SLAMF6: variants seen among roughly 807,000 people sequenced by gnomAD.
The protein encoded by SLAMF6 is SLAM family member 6.
A neutral mutation model predicts 38.3 loss-of-function variants in SLAMF6; 21 were observed. The observed-to-expected ratio is 0.55, with a 90% confidence interval of 0.39 to 0.79. SLAMF6 has a LOEUF of 0.79. Ranked by LOEUF, SLAMF6 falls within the 30% of genes least tolerant of loss-of-function variation. The pLI, the probability that SLAMF6 is intolerant of heterozygous loss-of-function variation, is 0.00. For missense variants in SLAMF6, 341 were observed against 385.3 expected (o/e 0.89, Z 0.96); for synonymous variants, 152 against 146.3 (o/e 1.04, Z -0.28).
rs1653280060 is a variant in SLAMF6 at position 160,491,237 on chromosome 1, G to A, written c.534C>T (p.Asn178=). Residue 178 remains asparagine, a synonymous_variant, in exon 3 of 8, where the codon AAC becomes AAT. Coordinates refer to ENST00000368057, the MANE Select transcript of SLAMF6 (RefSeq NM_001184714.2). The part of the protein sequence containing the change: ...ALGNTLSSQP[N]LTVSWDPRIS... ...TCCTGGGGTCCCAGGAGACAGTGAG[G>A]TTTGGCTGACTTGAAAGTGTGTTTC... is the stretch of plus-strand genomic sequence containing the variant. 2 of 1,614,102 alleles carry A rather than the reference G, an allele frequency of 1.2e-6. No individual in the cohort carries two copies. The highest frequency in any genetic ancestry group is 2.2e-5 in the East Asian group (1 of 44,874).
chr1:160,507,348 A>G (rs186474556), intron 1 of SLAMF6, among the ~76,000 whole-genome samples: 30 of 152,260 alleles, frequency 2.0e-4, no homozygotes, highest in African/African-American at 7.2e-4. Flanking sequence ...TATAACAATT[A>G]TAAACACATA....
intron 1 of SLAMF6, among the ~76,000 whole-genome samples, 177 bp downstream of exon 1, chr1:160,522,967 T>C (rs931332602): frequency 6.6e-6 from 1 of 152,172 alleles, no homozygotes; most frequent in Non-Finnish European, 1.5e-5. Flanking sequence ...CTCAGGCTTA[T>C]CGCATCCAAA....
chr1:160,491,258 GT>G lies in SLAMF6; in HGVS notation c.512del (p.Asn171ThrfsTer26). ...TGAGGTTTGGCTGACTTGAAAGTGT[GT>G]TTCCCAAGGCCTCCCATCTGAATGA... The part of the protein sequence containing the change: ...NVSFRWEALG[N>X]TLSSQPNLTV... On this transcript the variant is annotated frameshift_variant, in exon 3 of 8. Transcript: ENST00000368057. LOFTEE classifies it high-confidence loss of function. 1 of 1,614,098 alleles carries G rather than the reference GT, an allele frequency of 6.2e-7. No homozygotes were observed. The highest frequency in any genetic ancestry group is 8.5e-7 in the Non-Finnish European group (1 of 1,179,980).
At chr1:160,503,290 A>G (rs1240478025) in intron 1 of SLAMF6, among the ~76,000 whole-genome samples, 2 of 152,176 alleles carry the variant, frequency 1.3e-5, no homozygotes, top group African/African-American at 2.4e-5. Context: ...CTGACAAGTC[A>G]TCAATAAATG....
Position 160,486,641 on chromosome 1 carries a change from C to T in SLAMF6, c.*66G>A. On this transcript the variant is annotated 3_prime_UTR_variant, in exon 8 of 8. Transcript: ENST00000368057. ...AACAACAGGAACCAAGCTTCCTGTT[C>T]TTTGTTCTGTCTCATGGGATCAGAA... 1.3e-6 allele frequency: 2 copies of T among 1,501,478 alleles called. No individual in the cohort carries two copies. Among genetic ancestry groups the T allele is most frequent in the Non-Finnish European group, 1.9e-6 (2 of 1,079,438 alleles). 93.0% of individuals were successfully genotyped at this position (1,501,478 alleles called of 1,614,324 possible). A position where few individuals can be genotyped will look rare whatever the true frequency, so the allele number is the denominator to read the frequency against.
At chr1:160,517,695 C>T (rs944375097) in intron 1 of SLAMF6, among the ~76,000 whole-genome samples, 2 of 152,164 alleles carry the variant, frequency 1.3e-5, no homozygotes, top group Non-Finnish European at 2.9e-5. Flanking sequence ...GAGATCATGT[C>T]CTTTGCAGGA....
chr1:160,488,865 C>A (rs142586576), intron 6 of SLAMF6, among the ~76,000 whole-genome samples: 106 of 152,232 alleles, frequency 7.0e-4, no homozygotes, highest in Non-Finnish European at 1.1e-3. Context: ...ATGCATCAAG[C>A]GGTTGGAGAA....
chr1:160,505,615 C>T (rs982694667), intron 1 of SLAMF6, among the ~76,000 whole-genome samples: 1 of 152,108 alleles, frequency 6.6e-6, no homozygotes, highest in Non-Finnish European at 1.5e-5. Flanking sequence ...GTTGCCCAGG[C>T]TGGTTTGAAC....
chr1:160,492,306 T>A (rs1294853845), intron 2 of SLAMF6, among the ~76,000 whole-genome samples: 1 of 152,026 alleles, frequency 6.6e-6, no homozygotes, highest in African/African-American at 2.4e-5. Context: ...TGAGTAGGAG[T>A]TGTGGAGTAT....
At chr1:160,516,675 G>A (rs1654759496) in intron 1 of SLAMF6, among the ~76,000 whole-genome samples, 1 of 152,020 alleles carries the variant, frequency 6.6e-6, no homozygotes, top group Non-Finnish European at 1.5e-5. Context: ...TAGACCAATG[G>A]AACAGAATAG....
chr1:160,495,300 C>T (rs1253971030), intron 2 of SLAMF6, among the ~76,000 whole-genome samples: 1 of 152,116 alleles, frequency 6.6e-6, no homozygotes, highest in Admixed American at 6.5e-5. Flanking sequence ...TATTCTAAAG[C>T]CATTAATGGC....
At chr1:160,513,860 G>C (rs969179276) in intron 1 of SLAMF6, among the ~76,000 whole-genome samples, 17 of 152,144 alleles carry the variant, frequency 1.1e-4, no homozygotes, top group Non-Finnish European at 1.9e-4. Context: ...GCTCCTGAAG[G>C]AAGCACTAAA....
intron 5 of SLAMF6, 66 bp from the exon 6 acceptor site, chr1:160,489,236 C>T: frequency 6.6e-7 from 1 of 1,507,780 alleles, no homozygotes; most frequent in Non-Finnish European, 9.2e-7. Flanking sequence ...AGGACTTCTC[C>T]CTCCCCAGAG....
chr1:160,488,588 T>A (rs570714974), intron 6 of SLAMF6, among the ~76,000 whole-genome samples: 21 of 152,184 alleles, frequency 1.4e-4, no homozygotes, highest in African/African-American at 5.1e-4. Context: ...GGGTGAACCA[T>A]TGCTCATGGT....
intron 7 of SLAMF6, 134 bp downstream of exon 7, chr1:160,486,970 G>T: frequency 1.1e-6 from 1 of 945,002 alleles, no homozygotes; most frequent in Non-Finnish European, 1.6e-6. Context: ...TTTTGGTGAT[G>T]TCCTGAGACT....
chr1:160,499,175 G>A (rs112243048), intron 1 of SLAMF6, among the ~76,000 whole-genome samples: 28,199 of 151,910 alleles, frequency 0.19, 2,783 homozygotes, highest in Admixed American at 0.25. Context: ...TTTTTTTCTA[G>A]GATTTTTATA....
chr1:160,515,775 A>T (rs1055209360), intron 1 of SLAMF6, among the ~76,000 whole-genome samples: 1 of 152,140 alleles, frequency 6.6e-6, no homozygotes, highest in Non-Finnish European at 1.5e-5. Context: ...CTTAATAGAC[A>T]CAGAAAAGGC....
intron 2 of SLAMF6, among the ~76,000 whole-genome samples, chr1:160,493,494 A>G (rs1305739837): frequency 6.6e-6 from 1 of 152,120 alleles, no homozygotes; most frequent in Non-Finnish European, 1.5e-5. Flanking sequence ...ATTGCTTGTT[A>G]CCTTCCTCTA....
At chr1:160,522,354 T>A (rs1655021672) in intron 1 of SLAMF6, among the ~76,000 whole-genome samples, 1 of 152,220 alleles carries the variant, frequency 6.6e-6, no homozygotes, top group Non-Finnish European at 1.5e-5. Context: ...AAGTGCTCAG[T>A]GAATGCTTCC....
Sources: allele counts gnomAD v4.1 joint callset (sites outside exome capture counted in the v4.1 genomes callset), GRCh38; gene constraint gnomAD v4.1.1; transcripts MANE v1.5; gene names NCBI Gene and HGNC (gene_info 2026-07-23, HGNC 2026-07-21).